JAK1: variants seen among roughly 807,000 people sequenced by gnomAD.
The protein encoded by JAK1 is tyrosine-protein kinase JAK1.
In JAK1, 16 loss-of-function variants were observed where a neutral mutation model predicts 136.6. The ratio of observed to expected loss-of-function variants is 0.12; its 90% CI spans 0.08 to 0.18. The LOEUF is 0.18. JAK1 is among the 10% of genes least tolerant of loss of function. The pLI is 1.00. For missense variants in JAK1, 859 were observed against 1,450.1 expected (o/e 0.59, Z 6.62); for synonymous variants, 492 against 519.5 (o/e 0.95, Z 0.72).
At chr1:64,862,163 A>C (rs1656389553) in intron 8 of JAK1, among the ~76,000 whole-genome samples, 1 of 152,166 alleles carries the variant, frequency 6.6e-6, no homozygotes, top group Non-Finnish European at 1.5e-5. Context: ...GGCAGCATGG[A>C]GCAGTGGTCA....
intron 1 of JAK1, among the ~76,000 whole-genome samples, chr1:64,913,703 AGAAG>A (rs1557686804): frequency 7.3e-5 from 1 of 13,658 alleles, no homozygotes; most frequent in Admixed American, 8.7e-4. Flanking sequence ...AAGGAAGGAA[AGAAG>A]GGAGGGAGGG....
At chr1:64,939,001 G>C (rs188693730) in intron 1 of JAK1, among the ~76,000 whole-genome samples, 11 of 151,988 alleles carry the variant, frequency 7.2e-5, no homozygotes, top group African/African-American at 2.7e-4. Context: ...CTTGAGACAG[G>C]GTCTCACTTT....
At chr1:64,947,839 T>C (rs1191681908) in intron 1 of JAK1, among the ~76,000 whole-genome samples, 1 of 151,930 alleles carries the variant, frequency 6.6e-6, no homozygotes, top group Non-Finnish European at 1.5e-5. Context: ...TGGGCCAGAA[T>C]ACTCTTATAC....
At position 64,878,561 on chromosome 1, in the gene JAK1, G is replaced by GTATA. The variant is rs56881589; in HGVS notation, c.329+460_329+463dup. On this transcript the variant is annotated intron_variant, in intron 4 of 24. Transcript: ENST00000342505. ...ATCATGACCTTTATATATATAGTGT[G>GTATA]TATATATATATATATATATATATAT... Among the ~76,000 whole-genome samples, 318 of 119,712 alleles carry GTATA rather than the reference G, an allele frequency of 2.7e-3. 1 individual carries two copies. The highest frequency in any genetic ancestry group is 5.4e-3 in the Middle Eastern group (1 of 186). 78.5% of individuals were successfully genotyped at this position (119,712 alleles called of 152,430 possible).
At chr1:64,857,571 G>A (rs548408561) in intron 10 of JAK1, 85 bp downstream of exon 10, 134 of 1,556,182 alleles carry the variant, frequency 8.6e-5, no homozygotes, top group African/African-American at 8.3e-4. Context: ...GCCAAGGGTG[G>A]TTCTGTCTGC....
At chr1:64,923,062 G>C (rs1303377285) in intron 1 of JAK1, among the ~76,000 whole-genome samples, 1 of 152,146 alleles carries the variant, frequency 6.6e-6, no homozygotes, top group Non-Finnish European at 1.5e-5. Flanking sequence ...TAATAACTTG[G>C]AAAGTTGGGG....
chr1:64,978,548 A>G (rs2100689422), intron 2 of JAK1, among the ~76,000 whole-genome samples: 1 of 152,306 alleles, frequency 6.6e-6, no homozygotes, highest in East Asian at 1.9e-4. Context: ...GAATGTCCAT[A>G]TAGAACACTC....
chr1:64,853,229 G>GCC (rs1655712371), intron 11 of JAK1, among the ~76,000 whole-genome samples: 1 of 152,172 alleles, frequency 6.6e-6, no homozygotes. Context: ...AGCTTTGGGG[G>GCC]ACCTATGTAA....
At chr1:64,946,914 C>T (rs751868994) in intron 1 of JAK1, among the ~76,000 whole-genome samples, 15 of 152,176 alleles carry the variant, frequency 9.9e-5, no homozygotes, top group Non-Finnish European at 1.8e-4. Flanking sequence ...TATGCAAAAA[C>T]ATGGATAAAC....
chr1:65,053,651 G>A (rs112592448), intron 1 of JAK1, among the ~76,000 whole-genome samples: 1 of 152,160 alleles, frequency 6.6e-6, no homozygotes, highest in African/African-American at 2.4e-5. Context: ...AGGAGTTCAA[G>A]ATCAGCCTGA....
chr1:64,921,265 T>C (rs1274974750), intron 1 of JAK1, among the ~76,000 whole-genome samples: 1 of 152,168 alleles, frequency 6.6e-6, no homozygotes, highest in East Asian at 1.9e-4. Context: ...ACAAGACTGC[T>C]GCATTAGGGA....
chr1:64,894,772 G>C (rs553149347), intron 1 of JAK1, among the ~76,000 whole-genome samples: 2 of 151,646 alleles, frequency 1.3e-5, no homozygotes, highest in Non-Finnish European at 2.9e-5. Context: ...GCAAGACTAC[G>C]TCTCAAAAAA....
At chr1:64,866,493 A>G (rs1656714791) in intron 7 of JAK1, among the ~76,000 whole-genome samples, 1 of 152,230 alleles carries the variant, frequency 6.6e-6, no homozygotes, top group African/African-American at 2.4e-5. Flanking sequence ...GCCTCTTTGT[A>G]TTCATCCGTA....
In JAK1 at chr1:64,839,727, A is replaced by G. The variant is rs2100961635; in HGVS notation, c.2718T>C (p.Ala906=). 1 of 1,614,232 alleles carries G rather than the reference A, an allele frequency of 6.2e-7. No individual in the cohort carries two copies. Among genetic ancestry groups the G allele is most frequent in the Non-Finnish European group, 8.5e-7 (1 of 1,180,024 alleles). Residue 906 remains alanine, a synonymous_variant, in exon 20 of 25, where the codon GCT becomes GCC. Transcript: ENST00000342505. ...PEGDNTGEQV[A]VKSLKPESGG... ...CACTCTCAGGCTTCAGAGATTTAACAGCCACCTGCTCCCCTGTATTGTCCC... is the reference window on the plus strand; with the variant it reads ...CACTCTCAGGCTTCAGAGATTTAACGGCCACCTGCTCCCCTGTATTGTCCC...
At chr1:64,883,515 G>A (rs2101269273) in intron 2 of JAK1, 40 bp from the exon 3 acceptor site, 3 of 1,552,724 alleles carry the variant, frequency 1.9e-6, no homozygotes, top group Non-Finnish European at 2.7e-6. Context: ...GTCACTCTAT[G>A]TGCTAAAAGT....
intron 2 of JAK1, among the ~76,000 whole-genome samples, chr1:64,994,141 A>T (rs755572309): frequency 1.3e-5 from 2 of 152,188 alleles, no homozygotes; most frequent in African/African-American, 4.8e-5. Flanking sequence ...GGTTTTGGCC[A>T]TGTTGCCCAG....
chr1:64,862,723 T>C (rs116780514), intron 8 of JAK1, among the ~76,000 whole-genome samples: 194 of 152,304 alleles, frequency 1.3e-3, no homozygotes, highest in African/African-American at 4.5e-3. Flanking sequence ...ATCATGGACA[T>C]GTCAGCCTCT....
At chr1:64,964,234 T>A (rs1002314646) in intron 1 of JAK1, among the ~76,000 whole-genome samples, 9 of 152,238 alleles carry the variant, frequency 5.9e-5, no homozygotes, top group African/African-American at 2.2e-4. Context: ...ACAATAAATC[T>A]TCTAACAGCA....
At chr1:65,055,058 T>C (rs1005257191) in intron 1 of JAK1, among the ~76,000 whole-genome samples, 4 of 152,200 alleles carry the variant, frequency 2.6e-5, no homozygotes, top group Non-Finnish European at 5.9e-5. Context: ...AGGTGTACAT[T>C]GTGTCATTAA....
Sources: gnomAD v4.1 joint callset for allele counts (sites outside exome capture counted in the v4.1 genomes callset) on GRCh38, gnomAD v4.1.1 for gene constraint, MANE v1.5 for transcripts, NCBI Gene and HGNC (gene_info 2026-07-23, HGNC 2026-07-21) for gene names.